Variants in TF observed in about 807,000 individuals in gnomAD.
TF encodes the protein transferrin, also known as serotransferrin.
Under a neutral mutation model 82.4 loss-of-function variants are expected in TF, and 55 were observed. The observed-to-expected ratio is 0.67, with a 90% CI of 0.54 to 0.84. The LOEUF is 0.84. Among genes scored for constraint, TF ranks in the 40% least tolerant of loss-of-function variants. The pLI is 0.00. For missense variants in TF, 737 were observed against 868.4 expected, an observed-to-expected ratio of 0.85 and a Z score of 1.90; for synonymous variants, 332 against 332.6, an observed-to-expected ratio of 1.00 and a Z score of 0.02.
At position 133,791,235 on chromosome 3, in the gene TF, G is replaced by A. The variant is rs1471162542; in HGVS notation, c.*12615G>A. 6.6e-6 allele frequency: 1 copy of A among 152,086 alleles called. No homozygotes were observed. Among genetic ancestry groups the A allele is most frequent in the African/African-American group, 2.4e-5 (1 of 41,424 alleles). The allele number at this position is 152,086 out of a possible 1,614,324, so 9.4% of individuals were successfully genotyped here. ...TTAACCTTGAACTAACTCAAATTCT[G>A]TTTATGATACTTTAAGTGTGTTGAG... On this transcript the variant is annotated 3_prime_UTR_variant, in exon 17 of 17. Transcript: ENST00000402696.
chr3:133,675,996 T>C, the TF span, among the ~76,000 whole-genome samples: 1 of 152,256 alleles, frequency 6.6e-6, no homozygotes, highest in Non-Finnish European at 1.5e-5. Flanking sequence ...TTTTTCCCCC[T>C]GGGGCTTAAG....
At position 133,748,467 on chromosome 3, in the gene TF, T is replaced by A; in HGVS notation, c.99T>A (p.His33Gln). Reference sequence around the variant, plus strand: ...TGAGATGGTGTGCAGTGTCGGAGCATGAGGCCACTAAGTGCCAGAGTTTCC... The same window carrying A: ...TGAGATGGTGTGCAGTGTCGGAGCAAGAGGCCACTAAGTGCCAGAGTTTCC... ...KTVRWCAVSEHEATKCQSFRD... is the reference protein window; with the variant it reads ...KTVRWCAVSEQEATKCQSFRD... The change falls in exon 2 of 17, where the codon CAT becomes CAA. Residue 33 changes from histidine to glutamine, a missense_variant. Physicochemically the swap from His to Gln is conservative, Grantham distance 24. Coordinates refer to ENST00000402696, the MANE Select transcript of TF (RefSeq NM_001063.4). 1 of 1,614,132 alleles carries A rather than the reference T, an allele frequency of 6.2e-7. No individual in the cohort carries two copies. Among genetic ancestry groups the A allele is most frequent in the South Asian group, 1.1e-5 (1 of 91,080 alleles).
At chr3:133,748,810 G>T in intron 2 of TF, 1 of 570,582 alleles carries the variant, frequency 1.8e-6, no homozygotes, top group Non-Finnish European at 3.1e-6. Flanking sequence ...CACAGTAGAC[G>T]CAAGGGTGAC....
the TF span, among the ~76,000 whole-genome samples, chr3:133,684,814 A>G: frequency 9.2e-5 from 14 of 152,250 alleles, no homozygotes; most frequent in Non-Finnish European, 5.9e-5. Context: ...TAACTATTCC[A>G]ATCAATAGAA....
rs4241357 is a variant in TF, at chr3:133,756,719, G to T, written c.692-112G>T. 648,750 of 1,361,964 alleles carry T rather than the reference G, an allele frequency of 0.48. 161,442 individuals carry two copies. The highest frequency in any genetic ancestry group is 0.74 in the East Asian group (32,427 of 43,630). 84.4% of individuals were successfully genotyped at this position (1,361,964 alleles called of 1,614,324 possible). On this transcript the variant is annotated intron_variant, in intron 6 of 16. Coordinates refer to ENST00000402696, the MANE Select transcript of TF (RefSeq NM_001063.4). Reference sequence around the variant, plus strand: ...TCCCGCATGTTCTCTGGCCTTCAGTGCTCACTCCAGACCTCTCAGCTCATA... The same window carrying T: ...TCCCGCATGTTCTCTGGCCTTCAGTTCTCACTCCAGACCTCTCAGCTCATA...
the TF span, among the ~76,000 whole-genome samples, chr3:133,674,403 G>A: frequency 2.0e-5 from 3 of 152,208 alleles, no homozygotes; most frequent in Non-Finnish European, 4.4e-5. Context: ...GGGCGGGAGA[G>A]AGGCTTGCAT....
the TF span, among the ~76,000 whole-genome samples, chr3:133,696,295 C>CA: frequency 7.3e-4 from 104 of 142,418 alleles, no homozygotes; most frequent in South Asian, 1.1e-3. Flanking sequence ...GACCCTGTCT[C>CA]AAAAAAAAAA....
the TF span, among the ~76,000 whole-genome samples, chr3:133,697,566 G>A: frequency 6.6e-6 from 1 of 152,300 alleles, no homozygotes; most frequent in Admixed American, 6.5e-5. Context: ...TATTTTGTAA[G>A]ATCTCTTCTT....
At chr3:133,754,413 C>T (rs772680327) in intron 3 of TF, 82 bp from the exon 4 acceptor site, 258 of 1,445,254 alleles carry the variant, frequency 1.8e-4, no homozygotes, top group Non-Finnish European at 2.4e-4. Context: ...CCGCTCCCCT[C>T]CCTCCTCAAG....
the TF span, among the ~76,000 whole-genome samples, chr3:133,722,979 C>G: frequency 2.0e-5 from 3 of 152,152 alleles, no homozygotes; most frequent in African/African-American, 7.2e-5. Flanking sequence ...GATGAATTCT[C>G]TTAACTTTTG....
rs1038660566 is a variant in TF, at chr3:133,792,847, A to C, written c.*14227A>C. 2 of 152,162 alleles carry C rather than the reference A, an allele frequency of 1.3e-5. No homozygotes were observed. The highest frequency in any genetic ancestry group is 4.8e-5 in the African/African-American group (2 of 41,424). The allele number at this position is 152,162 out of a possible 1,614,324, so 9.4% of individuals were successfully genotyped here. The stretch of plus-strand genomic sequence containing the variant: ...ATTATGTGTGTGAACATATTGACTA[A>C]ATTTAAAGGGGTATTTTCTGGTTTT... On this transcript the variant is annotated 3_prime_UTR_variant, in exon 17 of 17. Coordinates refer to ENST00000402696, the MANE Select transcript of TF (RefSeq NM_001063.4).
At chr3:133,677,597 C>G in the TF span, among the ~76,000 whole-genome samples, 1 of 152,246 alleles carries the variant, frequency 6.6e-6, no homozygotes, top group Middle Eastern at 3.4e-3. Context: ...AAGATTGCGC[C>G]ACTGCACTCC....
rs914471519 is a variant in TF at position 133,788,933 on chromosome 3, A to G, written c.*10313A>G. 2.0e-5 allele frequency: 3 copies of G among 152,264 alleles called. No individual in the cohort carries two copies. Among genetic ancestry groups the G allele is most frequent in the African/African-American group, 4.8e-5 (2 of 41,468 alleles). The allele number at this position is 152,264 out of a possible 1,614,324, so 9.4% of individuals were successfully genotyped here. A position where few individuals can be genotyped will look rare whatever the true frequency, so the allele number is the denominator to read the frequency against. On this transcript the variant is annotated 3_prime_UTR_variant, in exon 17 of 17. Transcript: ENST00000402696. Reference sequence around the variant, plus strand: ...TGGCTATCATGCTAGTGGAACAGGAAGCATGGGATAATGTGGCCTTATCAA... The same window carrying G: ...TGGCTATCATGCTAGTGGAACAGGAGGCATGGGATAATGTGGCCTTATCAA...
the TF span, among the ~76,000 whole-genome samples, chr3:133,685,672 A>G: frequency 6.6e-6 from 1 of 152,218 alleles, no homozygotes; most frequent in Admixed American, 6.5e-5. Context: ...TTCAAGAACT[A>G]CAAACCACTA....
rs537879146 is a variant in TF at position 133,770,694 on chromosome 3, C to T, written c.1687+122C>T. Reference sequence around the variant, plus strand: ...ACTGTCAGACTTCAAAGCTCTGATTCTCAGTCTGTCTGCTCAGTGAAGAGA... The same window carrying T: ...ACTGTCAGACTTCAAAGCTCTGATTTTCAGTCTGTCTGCTCAGTGAAGAGA... On this transcript the variant is annotated intron_variant, in intron 14 of 16. Coordinates refer to ENST00000402696, the MANE Select transcript of TF (RefSeq NM_001063.4). 1.9e-4 allele frequency: 210 copies of T among 1,079,700 alleles called. 3 individuals are homozygous for T. The South Asian group carries it at 2.5e-3, about 13-fold the overall frequency. 66.9% of individuals were successfully genotyped at this position (1,079,700 alleles called of 1,614,324 possible).
At chr3:133,774,839 C>G (rs1241213272) in intron 14 of TF, 2 of 242,670 alleles carry the variant, frequency 8.2e-6, no homozygotes, top group East Asian at 2.2e-4. Context: ...GAGGAAGGAG[C>G]TGAAACCCTA....
At chr3:133,672,595 T>C in the TF span, among the ~76,000 whole-genome samples, 4 of 151,882 alleles carry the variant, frequency 2.6e-5, no homozygotes, top group Non-Finnish European at 4.4e-5. Flanking sequence ...AGCGTGGTGG[T>C]GCACTGCTGT....
the TF span, among the ~76,000 whole-genome samples, chr3:133,726,340 T>C: frequency 6.6e-6 from 1 of 152,222 alleles, no homozygotes; most frequent in East Asian, 1.9e-4. Context: ...TCAGAGCCTG[T>C]TATTGGTCTA....
intron 9 of TF, among the ~76,000 whole-genome samples, chr3:133,763,471 A>T (rs569007311): frequency 2.0e-5 from 3 of 152,310 alleles, no homozygotes; most frequent in Admixed American, 1.3e-4. Flanking sequence ...TTTCTCTGTC[A>T]TTGAGCATTT....
Sources: gnomAD v4.1 joint callset for allele counts (sites outside exome capture counted in the v4.1 genomes callset) on GRCh38, gnomAD v4.1.1 for gene constraint, MANE v1.5 for transcripts, NCBI Gene and HGNC (gene_info 2026-07-23, HGNC 2026-07-21) for gene names.